The following TRPC5 variants were observed in gnomAD, a reference collection of about 807,000 sequenced individuals.
TRPC5 encodes the protein transient receptor potential cation channel subfamily C member 5, also known as short transient receptor potential channel 5.
In TRPC5, 9 loss-of-function variants were observed where a neutral mutation model predicts 56.5. That is an observed-to-expected ratio of 0.16 (90% confidence interval 0.10 to 0.28). TRPC5 has a LOEUF of 0.28. Ranked by LOEUF, TRPC5 falls within the 10% of genes least tolerant of loss-of-function variation. The pLI, the probability that TRPC5 is intolerant of heterozygous loss-of-function variation, is 1.00. For missense variants in TRPC5, 469 were observed against 748.9 expected (o/e 0.63, Z 4.36); for synonymous variants, 282 against 278.5 (o/e 1.01, Z -0.13).
At chrX:111,902,380 T>A in intron 3 of TRPC5, 1 of 313,686 alleles carries the variant, frequency 3.2e-6, no homozygotes, top group South Asian at 8.1e-5. Flanking sequence ...TTTGTTGTTA[T>A]TCAGAAAGTT....
intron 6 of TRPC5, among the ~76,000 whole-genome samples, chrX:111,843,937 TGA>T (rs1423979268): frequency 1.1e-5 from 1 of 87,599 alleles, no homozygotes; most frequent in Non-Finnish European, 2.2e-5. Context: ...AGAGAGAGAA[TGA>T]GAGAGAGACA....
At chrX:111,804,873 C>T (rs918061299) in intron 7 of TRPC5, among the ~76,000 whole-genome samples, 3 of 111,976 alleles carry the variant, frequency 2.7e-5, no homozygotes, top group African/African-American at 9.8e-5. Flanking sequence ...CTGGCCAGAA[C>T]TTCCAACACT....
At chrX:111,910,672 C>T (rs1925789022) in intron 3 of TRPC5, among the ~76,000 whole-genome samples, 1 of 111,800 alleles carries the variant, frequency 8.9e-6, no homozygotes, top group East Asian at 2.8e-4. Context: ...GCTGGGATTA[C>T]ATGCACCTGC....
chrX:111,892,156 C>A (rs753955954), intron 3 of TRPC5, among the ~76,000 whole-genome samples: 19 of 112,098 alleles, frequency 1.7e-4, no homozygotes, highest in African/African-American at 6.2e-4. Flanking sequence ...TAGTCTTTCT[C>A]TTATCAAATT....
At chrX:112,081,119 G>A in intron 1 of TRPC5, among the ~76,000 whole-genome samples, 1 of 112,039 alleles carries the variant, frequency 8.9e-6, no homozygotes, top group Non-Finnish European at 1.9e-5. Context: ...GATCCAAAGA[G>A]CCCAGGTTGT....
Position 111,952,325 on chromosome X carries a change from C to T in TRPC5, c.96G>A (p.Glu32=), listed in dbSNP as rs371123848. The change falls in exon 2 of 11, where the codon GAG becomes GAA. Residue 32 remains glutamate, a synonymous_variant. Transcript: ENST00000262839. ...CCACAGCATTGAGGAAGGCCTTCTC[C>T]TCTGCAGAGAGCTCTGTCTCAGCCC... ...IVRAETELSA[E]EKAFLNAVEK... is the part of the protein sequence containing the mutation. 2.5e-6 allele frequency: 3 copies of T among 1,210,460 alleles called. No individual in the cohort carries two copies. The highest frequency in any genetic ancestry group is 3.4e-6 in the Non-Finnish European group (3 of 895,397).
chrX:112,082,407 A>C lies in TRPC5; in HGVS notation c.-550T>G, dbSNP rs1209409045. On this transcript the variant is annotated 5_prime_UTR_variant, in exon 1 of 11. Coordinates refer to ENST00000262839, the MANE Select transcript of TRPC5 (RefSeq NM_012471.3). ...GAGAGAGAGGGGAGAGAGAGAGAAA[A>C]AAAGAGAGAGAGCCGCATTCACACT... 1 of 109,118 alleles carries C rather than the reference A, an allele frequency of 9.2e-6. No homozygotes were observed. The highest frequency in any genetic ancestry group is 1.9e-5 in the Non-Finnish European group (1 of 52,282). 9.0% of individuals were successfully genotyped at this position (109,118 alleles called of 1,213,427 possible).
chrX:111,821,913 TC>T (rs1282376857), intron 7 of TRPC5, among the ~76,000 whole-genome samples: 1 of 111,488 alleles, frequency 9.0e-6, no homozygotes, highest in Non-Finnish European at 1.9e-5. Flanking sequence ...TGCTTTAGGT[TC>T]CGGGGTACCC....
At chrX:111,981,032 T>A (rs1190747723) in intron 1 of TRPC5, among the ~76,000 whole-genome samples, 1 of 108,418 alleles carries the variant, frequency 9.2e-6, no homozygotes, top group African/African-American at 3.3e-5. Flanking sequence ...TATGTATATA[T>A]CCGTATATGT....
At chrX:112,079,590 C>T (rs1184468270) in intron 1 of TRPC5, among the ~76,000 whole-genome samples, 1 of 112,220 alleles carries the variant, frequency 8.9e-6, no homozygotes, top group South Asian at 3.7e-4. Context: ...AAAACATCTT[C>T]GGTTCTCTCA....
chrX:112,006,387 A>C (rs1388873172), intron 1 of TRPC5, among the ~76,000 whole-genome samples: 1 of 112,084 alleles, frequency 8.9e-6, no homozygotes, highest in African/African-American at 3.2e-5. Context: ...GGCCGGCCAG[A>C]TACTATGCTT....
chrX:112,023,226 G>A (rs924699280), intron 1 of TRPC5, among the ~76,000 whole-genome samples: 14 of 91,907 alleles, frequency 1.5e-4, no homozygotes, highest in African/African-American at 5.9e-4. Context: ...GAGCCACTGC[G>A]CCCAGCAGTT....
intron 1 of TRPC5, among the ~76,000 whole-genome samples, chrX:112,012,383 CTTTTCTTTTTCT>C (rs759383607): frequency 9.1e-6 from 1 of 109,954 alleles, no homozygotes; most frequent in Non-Finnish European, 1.9e-5. Context: ...TTTTTCTTTT[CTTTTCTTTTTCT>C]TTTTCTTTTT....
At chrX:112,020,273 GGTGA>G (rs985339716) in intron 1 of TRPC5, among the ~76,000 whole-genome samples, 2 of 112,108 alleles carry the variant, frequency 1.8e-5, no homozygotes, top group Non-Finnish European at 1.9e-5. Flanking sequence ...TTGTTTAAGA[GGTGA>G]GTAACTTGGG....
intron 7 of TRPC5, among the ~76,000 whole-genome samples, chrX:111,824,904 G>T (rs946879312): frequency 9.0e-6 from 1 of 111,322 alleles, no homozygotes; most frequent in Non-Finnish European, 1.9e-5. Context: ...GCCAATCCCC[G>T]CTGGTGTGCA....
At chrX:112,067,756 G>T (rs138666478) in intron 1 of TRPC5, among the ~76,000 whole-genome samples, 2,785 of 112,025 alleles carry the variant, frequency 0.025, 61 homozygotes, top group African/African-American at 0.071. Context: ...CAGACTCAGA[G>T]AGGAAGCATG....
intron 1 of TRPC5, among the ~76,000 whole-genome samples, chrX:112,053,976 A>C (rs902627972): frequency 8.9e-6 from 1 of 112,501 alleles, no homozygotes; most frequent in Non-Finnish European, 1.9e-5. Flanking sequence ...CCAAATCTGA[A>C]TAAAGCAGAC....
At chrX:111,964,836 G>T (rs1344721007) in intron 1 of TRPC5, among the ~76,000 whole-genome samples, 3 of 111,637 alleles carry the variant, frequency 2.7e-5, no homozygotes, top group African/African-American at 9.8e-5. Flanking sequence ...ACTAAACATG[G>T]AAAGGAACAA....
intron 7 of TRPC5, among the ~76,000 whole-genome samples, chrX:111,803,503 C>A (rs1264951426): frequency 8.9e-6 from 1 of 111,997 alleles, no homozygotes; most frequent in Non-Finnish European, 1.9e-5. Context: ...TTCTCCACAT[C>A]CTCTCCAGCA....
Sources: allele counts gnomAD v4.1 joint callset (sites outside exome capture counted in the v4.1 genomes callset), GRCh38; gene constraint gnomAD v4.1.1; transcripts MANE v1.5; gene names NCBI Gene and HGNC (gene_info 2026-07-23, HGNC 2026-07-21).